OSMR: variants seen among roughly 807,000 people sequenced by gnomAD.
The protein encoded by OSMR is oncostatin M receptor, also known as oncostatin-M-specific receptor subunit beta.
Under a neutral mutation model 99.9 loss-of-function variants are expected in OSMR, and 81 were observed. That is an observed-to-expected ratio of 0.81 (90% CI 0.68 to 0.97). OSMR has a LOEUF of 0.97. OSMR is among the 50% of genes least tolerant of loss of function. The pLI is 0.00. For missense variants in OSMR, 1,099 were observed against 1,153.4 expected (o/e 0.95, Z 0.68); for synonymous variants, 406 against 410.4 (o/e 0.99, Z 0.13).
intron 4 of OSMR, among the ~76,000 whole-genome samples, chr5:38,883,388 C>G (rs1257569157): frequency 6.6e-6 from 1 of 152,266 alleles, no homozygotes; most frequent in Non-Finnish European, 1.5e-5. Flanking sequence ...CCTTGCCAGT[C>G]TGAATGTGGC....
At chr5:38,852,694 A>C (rs560621641) in intron 1 of OSMR, among the ~76,000 whole-genome samples, 1 of 134,482 alleles carries the variant, frequency 7.4e-6, no homozygotes, top group East Asian at 2.2e-4. Context: ...GCTCTTTGTG[A>C]TACATATTGA....
rs1262672136 is a variant in OSMR at position 38,932,553 on chromosome 5, G to GT, written c.2367+19dup. 3 of 1,603,250 alleles carry GT rather than the reference G, an allele frequency of 1.9e-6. No individual in the cohort carries two copies. Among genetic ancestry groups the GT allele is most frequent in the African/African-American group, 2.7e-5 (2 of 74,812 alleles). ...AATTCAAGGTAAATGTTGGCAAATT[G>GT]TATGTATACCATATACCTATTAAGG... is the stretch of plus-strand genomic sequence containing the variant. On this transcript the variant is annotated intron_variant, in intron 17 of 17. Transcript: ENST00000274276.
At chr5:38,911,264 T>C (rs908737989) in intron 9 of OSMR, among the ~76,000 whole-genome samples, 1 of 152,076 alleles carries the variant, frequency 6.6e-6, no homozygotes, top group Non-Finnish European at 1.5e-5. Flanking sequence ...CTTGACCCCA[T>C]AGAAACACAA....
chr5:38,897,096 T>C (rs183387985), intron 7 of OSMR, among the ~76,000 whole-genome samples: 4 of 152,252 alleles, frequency 2.6e-5, no homozygotes, highest in East Asian at 1.9e-4. Context: ...ATCAGTGATA[T>C]TGGCCTGTAG....
intron 15 of OSMR, among the ~76,000 whole-genome samples, chr5:38,928,904 C>A (rs1251070084): frequency 6.6e-6 from 1 of 152,160 alleles, no homozygotes; most frequent in Admixed American, 6.5e-5. Flanking sequence ...GGTATACACA[C>A]ACACACATGT....
chr5:38,925,405 G>C (rs777036875), intron 15 of OSMR, 34 bp downstream of exon 15: 8 of 1,570,294 alleles, frequency 5.1e-6, no homozygotes, highest in Non-Finnish European at 7.0e-6. Flanking sequence ...CTTCCCTTAG[G>C]AGTTTCTGGG....
downstream of OSMR, chr5:38,945,289 G>T: frequency 1.6e-6 from 1 of 607,770 alleles, no homozygotes; most frequent in Non-Finnish European, 2.9e-6. Context: ...CTAATCCAGG[G>T]ATCTGTCAGA....
rs1315794035 is a variant in OSMR at position 38,904,350 on chromosome 5, C to T, written c.1135-3C>T. 1 of 1,613,690 alleles carries T rather than the reference C, an allele frequency of 6.2e-7. No homozygotes were observed. The highest frequency in any genetic ancestry group is 8.5e-7 in the Non-Finnish European group (1 of 1,179,798). On this transcript the variant is annotated splice_polypyrimidine_tract_variant and splice_region_variant and intron_variant, in intron 8 of 17. Coordinates refer to ENST00000274276, the MANE Select transcript of OSMR (RefSeq NM_003999.3). ...TCTTTTCTTCTCTTTTTTGATCAAG[C>T]AGTACAATGTTTCCATCAAGGTGAA... is the stretch of plus-strand genomic sequence containing the variant.
intron 1 of OSMR, among the ~76,000 whole-genome samples, chr5:38,865,671 C>T (rs775772304): frequency 1.2e-4 from 18 of 152,206 alleles, no homozygotes; most frequent in Non-Finnish European, 2.1e-4. Context: ...TGGGCCCCCA[C>T]ATGCCCACCT....
At chr5:38,931,814 C>T (rs925724098) in intron 15 of OSMR, 69 bp from the exon 16 acceptor site, 1 of 1,577,404 alleles carries the variant, frequency 6.3e-7, no homozygotes. Context: ...CAATCATAAA[C>T]TTGTATTTAT....
At chr5:38,902,425 G>A (rs1744954761) in intron 7 of OSMR, among the ~76,000 whole-genome samples, 1 of 152,208 alleles carries the variant, frequency 6.6e-6, no homozygotes, top group Admixed American at 6.5e-5. Context: ...AACCAGATAA[G>A]CATCTTGGGT....
chr5:38,864,347 A>G (rs1250188294), intron 1 of OSMR, among the ~76,000 whole-genome samples: 1 of 152,040 alleles, frequency 6.6e-6, no homozygotes, highest in African/African-American at 2.4e-5. Context: ...TCTACCAATT[A>G]GTTTTATATT....
intron 2 of OSMR, chr5:38,944,590 A>C: frequency 6.4e-7 from 1 of 1,562,416 alleles, no homozygotes; most frequent in Non-Finnish European, 8.7e-7. Context: ...TTCAGGGAGA[A>C]GTTAAATATT....
At chr5:38,876,886 C>A (rs1177440257) in intron 3 of OSMR, among the ~76,000 whole-genome samples, 3 of 152,172 alleles carry the variant, frequency 2.0e-5, no homozygotes, top group Non-Finnish European at 2.9e-5. Flanking sequence ...TTCCTGTGTC[C>A]TTTGTTGCCT....
rs976069931 is a variant in OSMR, at chr5:38,935,435, G to C, written c.*1991G>C. 2.0e-5 allele frequency: 3 copies of C among 151,960 alleles called. No individual in the cohort carries two copies. Among genetic ancestry groups the C allele is most frequent in the Non-Finnish European group, 2.9e-5 (2 of 68,002 alleles). The allele number at this position is 151,960 out of a possible 1,614,324, so 9.4% of individuals were successfully genotyped here. On this transcript the variant is annotated 3_prime_UTR_variant, in exon 18 of 18. Transcript: ENST00000274276. ...GTCTAACAGTTGTGTTAGACTTTAGGGCCAGTATTGTCAGCATTTATTTAT... is the reference window on the plus strand; with the variant it reads ...GTCTAACAGTTGTGTTAGACTTTAGCGCCAGTATTGTCAGCATTTATTTAT...
Position 38,921,791 on chromosome 5 carries a change from A to T in OSMR, c.1762A>T (p.Thr588Ser), listed in dbSNP as rs776222082. ...GPNTTSTVIS[T>S]DAFRPGVRYD... ...CAATACCACAAGCACAGTCATTAGC[A>T]CAGGTAAGAAGAAGCTTCCATATCA... Residue 588 changes from threonine (T) to serine (S), a missense_variant, in exon 12 of 18, where the codon ACA becomes TCA. By Grantham distance (58) the Thr-to-Ser change is moderately conservative (BLOSUM62 1). Transcript: ENST00000274276. 44 of 1,613,008 alleles carry T rather than the reference A, an allele frequency of 2.7e-5. 1 individual carries two copies. In the Admixed American group the frequency reaches 7.0e-4, roughly 26 times the overall value.
Position 38,919,096 on chromosome 5 carries a change from C to A in OSMR, c.1585+34C>A, listed in dbSNP as rs765699890. The A allele has an allele frequency of 4.3e-6, 7 of 1,609,770 alleles. No individual in the cohort carries two copies. In the Admixed American group the frequency reaches 1.2e-4, roughly 27 times the overall value. On this transcript the variant is annotated intron_variant, in intron 11 of 17. Transcript: ENST00000274276. Reference sequence around the variant, plus strand: ...GTTTTCATTTTCTTTTGTTTTTATTCTCTAGGAAAATGTTGATGACGTTAT... The same window carrying A: ...GTTTTCATTTTCTTTTGTTTTTATTATCTAGGAAAATGTTGATGACGTTAT...
intron 1 of OSMR, among the ~76,000 whole-genome samples, chr5:38,858,019 A>C (rs1019848201): frequency 1.3e-5 from 2 of 152,242 alleles, no homozygotes; most frequent in African/African-American, 4.8e-5. Context: ...TACATAATTT[A>C]GGGGGTATAT....
At chr5:38,927,168 G>A (rs980271288) in intron 15 of OSMR, among the ~76,000 whole-genome samples, 3 of 152,208 alleles carry the variant, frequency 2.0e-5, no homozygotes, top group African/African-American at 4.8e-5. Flanking sequence ...TGCTTTCATG[G>A]GCTGGCATTG....
Sources: gnomAD v4.1 joint callset for allele counts (sites outside exome capture counted in the v4.1 genomes callset) on GRCh38, gnomAD v4.1.1 for gene constraint, MANE v1.5 for transcripts, NCBI Gene and HGNC (gene_info 2026-07-23, HGNC 2026-07-21) for gene names.